Variants in MAPK8 observed in about 807,000 individuals in gnomAD.
The protein encoded by MAPK8 is mitogen-activated protein kinase 8, also known as JUN N-terminal kinase.
In MAPK8, 13 loss-of-function variants were observed where a neutral mutation model predicts 52.9. That is an observed-to-expected ratio of 0.25 (90% CI 0.16 to 0.39). The LOEUF (loss-of-function observed/expected upper bound fraction) is 0.39. Among genes scored for constraint, MAPK8 ranks in the 10% least tolerant of loss-of-function variants. MAPK8 has a pLI of 1.00. For synonymous variants in MAPK8, 191 were observed against 169.8 expected (o/e 1.12, Z -0.97); for missense variants, 300 against 519.2 (o/e 0.58, Z 4.10).
intron 1 of MAPK8, among the ~76,000 whole-genome samples, chr10:48,369,663 A>G (rs2132614388): frequency 6.6e-6 from 1 of 152,270 alleles, no homozygotes; most frequent in East Asian, 1.9e-4. Flanking sequence ...GACAGCCATG[A>G]AGAGAATCTG....
intron 1 of MAPK8, among the ~76,000 whole-genome samples, chr10:48,375,148 A>T (rs1188374380): frequency 7.2e-5 from 11 of 152,246 alleles, no homozygotes; most frequent in Non-Finnish European, 1.6e-4. Flanking sequence ...CCACATGATT[A>T]TCTGAATAGA....
At chr10:48,356,687 C>G (rs931630457) in intron 1 of MAPK8, among the ~76,000 whole-genome samples, 3 of 151,382 alleles carry the variant, frequency 2.0e-5, no homozygotes, top group Non-Finnish European at 3.0e-5. Flanking sequence ...ACTAAAAATA[C>G]AAAAATTAGC....
chr10:48,401,226 AT>A (rs745780971), intron 1 of MAPK8, among the ~76,000 whole-genome samples: 4 of 152,246 alleles, frequency 2.6e-5, no homozygotes, highest in Non-Finnish European at 4.4e-5. Context: ...TCTTACAAAA[AT>A]TAAGGTTTTT....
chr10:48,409,307 A>T (rs2042626144), intron 3 of MAPK8, among the ~76,000 whole-genome samples: 1 of 152,198 alleles, frequency 6.6e-6, no homozygotes, highest in Non-Finnish European at 1.5e-5. Context: ...CTTCTTTTGT[A>T]AAAGAGAGGG....
At chr10:48,347,301 CCT>C (rs1845882619) in intron 1 of MAPK8, among the ~76,000 whole-genome samples, 3 of 152,098 alleles carry the variant, frequency 2.0e-5, no homozygotes, top group Non-Finnish European at 2.9e-5. Context: ...ATGAAAAAAA[CCT>C]CTCATACCAA....
At chr10:48,373,350 A>G (rs1488262216) in intron 1 of MAPK8, among the ~76,000 whole-genome samples, 2 of 152,020 alleles carry the variant, frequency 1.3e-5, no homozygotes, top group African/African-American at 4.8e-5. Flanking sequence ...ATAACCAGCT[A>G]GCATCATAAT....
intron 1 of MAPK8, among the ~76,000 whole-genome samples, chr10:48,364,506 A>G (rs552400484): frequency 1.1e-3 from 160 of 152,230 alleles, no homozygotes; most frequent in African/African-American, 3.7e-3. Context: ...TTAAGTAAAA[A>G]GGAAAAGGAA....
intron 1 of MAPK8, among the ~76,000 whole-genome samples, chr10:48,341,091 C>G (rs1192125889): frequency 1.3e-5 from 2 of 152,224 alleles, no homozygotes; most frequent in Non-Finnish European, 2.9e-5. Flanking sequence ...CCCAATTACT[C>G]TACCATGTTA....
chr10:48,369,550 A>T (rs902614500), intron 1 of MAPK8, among the ~76,000 whole-genome samples: 1 of 152,188 alleles, frequency 6.6e-6, no homozygotes, highest in Admixed American at 6.6e-5. Flanking sequence ...GGAAAAGCTC[A>T]ATAGTAGATA....
At chr10:48,350,822 A>G (rs777155208) in intron 1 of MAPK8, among the ~76,000 whole-genome samples, 39 of 152,234 alleles carry the variant, frequency 2.6e-4, no homozygotes, top group Non-Finnish European at 4.0e-4. Flanking sequence ...ATAGGAAGTC[A>G]AATTGTCTCT....
At chr10:48,403,749 GTTTT>G (rs147945885) in intron 2 of MAPK8, among the ~76,000 whole-genome samples, 3,450 of 151,050 alleles carry the variant, frequency 0.023, 140 homozygotes, top group African/African-American at 0.08. Flanking sequence ...TTGTTTTTTT[GTTTT>G]TTTGTTTTTT....
rs551562656 is a variant in MAPK8, at chr10:48,346,650, C to T, written c.-50+39829C>T. Among the ~76,000 whole-genome samples the T allele has an allele frequency of 1.2e-4, 19 of 152,258 alleles. No individual in the cohort carries two copies. The South Asian group carries it at 2.9e-3, about 23-fold the overall frequency. ...TCAGTCAGGCTCTCCCACAGTTATC[C>T]GGAGGCCTAACCGTCTCCCTGTGAT... is the stretch of plus-strand genomic sequence containing the variant. On this transcript the variant is annotated intron_variant, in intron 1 of 11. Transcript: ENST00000374189.
intron 1 of MAPK8, among the ~76,000 whole-genome samples, chr10:48,326,117 T>C (rs1186541879): frequency 6.6e-6 from 1 of 152,232 alleles, no homozygotes; most frequent in African/African-American, 2.4e-5. Context: ...CAGCCCACAC[T>C]TTAGGGAGTT....
chr10:48,337,923 C>G (rs918281041), intron 1 of MAPK8, among the ~76,000 whole-genome samples: 2 of 151,968 alleles, frequency 1.3e-5, no homozygotes, highest in Admixed American at 6.6e-5. Flanking sequence ...CTGAACAGAC[C>G]AATAACGAGT....
intron 1 of MAPK8, among the ~76,000 whole-genome samples, chr10:48,390,548 A>C (rs986162773): frequency 1.3e-5 from 2 of 152,212 alleles, no homozygotes; most frequent in Admixed American, 6.5e-5. Flanking sequence ...AAGTCTGGCT[A>C]TATGGTTGCA....
At chr10:48,376,612 A>G (rs2040678596) in intron 1 of MAPK8, among the ~76,000 whole-genome samples, 2 of 152,248 alleles carry the variant, frequency 1.3e-5, no homozygotes, top group Non-Finnish European at 2.9e-5. Context: ...TTATGCAGCC[A>G]ACAAACATAT....
At chr10:48,413,661 T>C (rs1391136610) in intron 5 of MAPK8, among the ~76,000 whole-genome samples, 1 of 151,658 alleles carries the variant, frequency 6.6e-6, no homozygotes, top group Non-Finnish European at 1.5e-5. Flanking sequence ...ATTCTTAGTA[T>C]CACTGTATTT....
intron 1 of MAPK8, among the ~76,000 whole-genome samples, chr10:48,334,274 A>G (rs1462613875): frequency 6.6e-6 from 1 of 152,082 alleles, no homozygotes; most frequent in Non-Finnish European, 1.5e-5. Context: ...ATTTTCAGTC[A>G]GTCTCTGTGT....
chr10:48,374,561 C>T (rs1399423817), intron 1 of MAPK8, among the ~76,000 whole-genome samples: 1 of 152,056 alleles, frequency 6.6e-6, no homozygotes, highest in African/African-American at 2.4e-5. Context: ...GGGATATCAC[C>T]ACTGATCCCA....
Sources: gnomAD v4.1 joint callset for allele counts (sites outside exome capture counted in the v4.1 genomes callset) on GRCh38, gnomAD v4.1.1 for gene constraint, MANE v1.5 for transcripts, NCBI Gene and HGNC (gene_info 2026-07-23, HGNC 2026-07-21) for gene names.